RNF130: variants seen among roughly 807,000 people sequenced by gnomAD.
The protein encoded by RNF130 is E3 ubiquitin-protein ligase RNF130.
RNF130 carries 21 observed loss-of-function variants against 44.6 expected under a neutral mutation model. The ratio of observed to expected loss-of-function variants is 0.47; its 90% CI spans 0.33 to 0.68. The LOEUF (loss-of-function observed/expected upper bound fraction) is 0.68. RNF130 is among the 30% of genes least tolerant of loss of function. The pLI, the probability that RNF130 is intolerant of heterozygous loss-of-function variation, is 0.02. For missense variants in RNF130, 479 were observed against 560.6 expected (o/e 0.85, Z 1.47); for synonymous variants, 214 against 210.4 (o/e 1.02, Z -0.15).
Position 179,977,542 on chromosome 5 carries a change from T to C in RNF130, c.848+661A>G, listed in dbSNP as rs1202802956. On this transcript the variant is annotated intron_variant, in intron 5 of 8. Coordinates refer to ENST00000521389, the MANE Select transcript of RNF130 (RefSeq NM_018434.6). The surrounding 1 kb of genome is among the most constrained non-coding windows in gnomAD (Gnocchi z 4.1). ...AGTTCATGTTCAGCTGTGCGCAACA[T>C]AGTGAGAACCCCATCTTTAAAGAAA... Among the ~76,000 whole-genome samples, 5 of 152,258 alleles carry C rather than the reference T, an allele frequency of 3.3e-5. No homozygotes were observed. The highest frequency in any genetic ancestry group is 5.9e-5 in the Non-Finnish European group (4 of 68,012).
At chr5:179,924,527 G>A (rs1761679575) in intron 7 of RNF130, among the ~76,000 whole-genome samples, 1 of 151,742 alleles carries the variant, frequency 6.6e-6, no homozygotes, top group Non-Finnish European at 1.5e-5. Context: ...GCTGGGCGCA[G>A]TGGCTCATGC....
chr5:179,962,177 C>T (rs549547395), intron 8 of RNF130, among the ~76,000 whole-genome samples: 1 of 152,300 alleles, frequency 6.6e-6, no homozygotes, highest in African/African-American at 2.4e-5. Flanking sequence ...GGTTCACCTG[C>T]TGGATGAGGT....
At chr5:179,983,008 C>T (rs1380460151) in intron 3 of RNF130, among the ~76,000 whole-genome samples, 1 of 152,058 alleles carries the variant, frequency 6.6e-6, no homozygotes, top group Non-Finnish European at 1.5e-5. Context: ...TATATGTGTA[C>T]ATTGTCTGTG....
intron 7 of RNF130, among the ~76,000 whole-genome samples, chr5:179,929,230 A>AAAGAGG (rs1761771198): frequency 2.6e-5 from 4 of 151,996 alleles, no homozygotes; most frequent in African/African-American, 9.7e-5. Context: ...TTCTTACCCC[A>AAAGAGG]CGGCTTGTGC....
intron 7 of RNF130, among the ~76,000 whole-genome samples, chr5:179,948,571 T>C (rs1019190563): frequency 2.0e-5 from 3 of 151,996 alleles, no homozygotes; most frequent in East Asian, 1.9e-4. Flanking sequence ...CTCAGGAGGC[T>C]GAGGCAGAAG....
intron 4 of RNF130, among the ~76,000 whole-genome samples, chr5:179,978,850 T>A (rs1762770135): frequency 6.6e-6 from 1 of 152,030 alleles, no homozygotes; most frequent in Admixed American, 6.5e-5. Flanking sequence ...TGAGAAAGAG[T>A]CAGCCAGGTA....
intron 2 of RNF130, among the ~76,000 whole-genome samples, chr5:180,021,188 A>C (rs906858896): frequency 5.9e-5 from 9 of 151,884 alleles, no homozygotes; most frequent in African/African-American, 2.2e-4. Context: ...AAATGGTCTC[A>C]ATCACCTGAT....
chr5:179,928,039 G>A (rs1035235049), intron 7 of RNF130, among the ~76,000 whole-genome samples: 2 of 152,092 alleles, frequency 1.3e-5, no homozygotes, highest in Non-Finnish European at 2.9e-5. Context: ...CCTTTTCACC[G>A]CCGCATCATG....
chr5:179,921,926 C>G (rs1761636278), intron 7 of RNF130, among the ~76,000 whole-genome samples: 3 of 151,720 alleles, frequency 2.0e-5, no homozygotes, highest in Admixed American at 2.0e-4. Flanking sequence ...GAGGCTGAGG[C>G]AGGAGAATCA....
In RNF130 at chr5:180,005,894, T is replaced by C. The variant is rs529828298; in HGVS notation, c.693+7167A>G. On this transcript the variant is annotated intron_variant, in intron 3 of 8. Coordinates refer to ENST00000521389, the MANE Select transcript of RNF130 (RefSeq NM_018434.6). ...GGCCCCATGCTAAACCCCAAGGATA[T>C]AGAAATGAATTATCTTGCAAACACT... Among the ~76,000 whole-genome samples, 10 of 152,328 alleles carry C rather than the reference T, an allele frequency of 6.6e-5. No homozygotes were observed. The South Asian group carries it at 8.3e-4, about 13-fold the overall frequency.
rs968651780 is a variant in RNF130 at position 179,923,768 on chromosome 5, T to C, written c.1151-3342A>G. Among the ~76,000 whole-genome samples, 10 of 152,246 alleles carry C rather than the reference T, an allele frequency of 6.6e-5. 1 individual carries two copies. Among genetic ancestry groups the C allele is most frequent in the Non-Finnish European group, 1.5e-4 (10 of 68,050 alleles). ...TTCGGTCCTGGGGGCTGCCCAATTC[T>C]TCAATCACTCTTGCTCAATTAAACT... On this transcript the variant is annotated intron_variant, in intron 7 of 7. Coordinates refer to the RNF130 transcript ENST00000522208.
rs185738426 is a variant in RNF130 at position 180,046,574 on chromosome 5, T to G, written c.248-5927A>C. The stretch of plus-strand genomic sequence containing the variant: ...CAGAAGTGATAGCCTCGGACAGTAT[T>G]TTTCTGCAGTGATGGTCAAAACAGG... On this transcript the variant is annotated intron_variant, in intron 1 of 8. Transcript: ENST00000521389. 1.2e-3 allele frequency among the ~76,000 whole-genome samples: 177 copies of G among 152,306 alleles called. 1 individual carries two copies. Among genetic ancestry groups the G allele is most frequent in the Middle Eastern group, 0.01 (3 of 294 alleles).
intron 7 of RNF130, chr5:179,933,723 A>T (rs1761845208): frequency 2.9e-6 from 1 of 341,538 alleles, no homozygotes; most frequent in Non-Finnish European, 5.5e-6. Context: ...GAATTTCACC[A>T]TGTTGCCCAG....
chr5:180,045,410 G>A (rs1582216891), intron 1 of RNF130, among the ~76,000 whole-genome samples: 2 of 152,294 alleles, frequency 1.3e-5, no homozygotes, highest in Middle Eastern at 6.8e-3. Context: ...GAGTGAAGCT[G>A]CAGACCTTCT....
At chr5:180,060,559 C>A (rs1460031491) in intron 1 of RNF130, among the ~76,000 whole-genome samples, 1 of 152,172 alleles carries the variant, frequency 6.6e-6, no homozygotes, top group Non-Finnish European at 1.5e-5. Context: ...TTTACCAACA[C>A]ACCGCGAGGG....
chr5:179,969,270 C>T (rs1762529170), intron 6 of RNF130, among the ~76,000 whole-genome samples: 1 of 152,030 alleles, frequency 6.6e-6, no homozygotes, highest in South Asian at 2.1e-4. Flanking sequence ...CAGCTGGACT[C>T]TGGCACGCCT....
intron 1 of RNF130, among the ~76,000 whole-genome samples, chr5:180,050,665 A>G (rs1368039531): frequency 6.6e-6 from 1 of 152,198 alleles, no homozygotes; most frequent in Non-Finnish European, 1.5e-5. Context: ...AGTTCTTTCA[A>G]TGAGGATCTG....
At position 180,040,419 on chromosome 5, in the gene RNF130, AAAAAC is replaced by A. The variant is rs776830877; in HGVS notation, c.442+29_442+33del. On this transcript the variant is annotated intron_variant, in intron 2 of 8. Transcript: ENST00000521389. ...CTATAAAGCAATGATTTCTAAGAAGAAAAACAAAATCAACAACCCTCATTTTTGTT... is the reference window on the plus strand; with the variant it reads ...CTATAAAGCAATGATTTCTAAGAAGAAAAATCAACAACCCTCATTTTTGTT... 8.2e-6 allele frequency: 13 copies of A among 1,587,726 alleles called. 1 individual carries two copies. The highest frequency in any genetic ancestry group is 3.5e-4 in the Middle Eastern group (2 of 5,756).
At chr5:179,972,866 G>A (rs1762616591) in intron 5 of RNF130, among the ~76,000 whole-genome samples, 1 of 152,078 alleles carries the variant, frequency 6.6e-6, no homozygotes, top group South Asian at 2.1e-4. Flanking sequence ...TTGGGTTCTT[G>A]AGTAACTGTT....
Sources: allele counts gnomAD v4.1 joint callset (sites outside exome capture counted in the v4.1 genomes callset), GRCh38; gene constraint gnomAD v4.1.1; non-coding constraint Gnocchi (gnomAD v3.1); transcripts MANE v1.5; gene names NCBI Gene and HGNC (gene_info 2026-07-23, HGNC 2026-07-21).